Variants in COL24A1 observed in about 807,000 individuals in gnomAD.
COL24A1 encodes the protein collagen alpha-1(XXIV) chain.
COL24A1 carries 224 observed loss-of-function variants against 253.9 expected under a neutral mutation model. The ratio of observed to expected loss-of-function variants is 0.88; its 90% CI spans 0.79 to 0.99. The LOEUF (loss-of-function observed/expected upper bound fraction) is 0.99. Ranked by LOEUF, COL24A1 falls within the 50% of genes least tolerant of loss-of-function variation. The probability of loss-of-function intolerance (pLI) is 0.00; values close to 1 mark genes in which losing one functional copy is unlikely to be tolerated. For missense variants in COL24A1, 2,131 were observed against 2,068.5 expected, an observed-to-expected ratio of 1.03 and a Z score of -0.59; for synonymous variants, 685 against 673.7, an observed-to-expected ratio of 1.02 and a Z score of -0.26.
At chr1:86,012,164 A>T (rs1696556729) in intron 19 of COL24A1, among the ~76,000 whole-genome samples, 1 of 152,208 alleles carries the variant, frequency 6.6e-6, no homozygotes, top group Non-Finnish European at 1.5e-5. Flanking sequence ...AAAAAGTTCT[A>T]CAGGTGATAG....
chr1:85,859,228 C>T (rs1678857864), intron 37 of COL24A1, among the ~76,000 whole-genome samples: 1 of 152,206 alleles, frequency 6.6e-6, no homozygotes, highest in African/African-American at 2.4e-5. Flanking sequence ...AAATGAATGA[C>T]AGAATGTATG....
chr1:86,146,604 T>TAACGC (rs749212954), intron 1 of COL24A1, among the ~76,000 whole-genome samples: 3 of 151,828 alleles, frequency 2.0e-5, no homozygotes, highest in Non-Finnish European at 2.9e-5. Context: ...TCCACAAAAA[T>TAACGC]AACGCAAATT....
chr1:85,987,073 T>C (rs1419194120), intron 20 of COL24A1, among the ~76,000 whole-genome samples: 5 of 151,856 alleles, frequency 3.3e-5, no homozygotes, highest in African/African-American at 1.2e-4. Flanking sequence ...AATGGTTAGA[T>C]TAAAAGCATT....
chr1:85,831,259 G>A (rs979989833), intron 43 of COL24A1, among the ~76,000 whole-genome samples: 1 of 152,074 alleles, frequency 6.6e-6, no homozygotes, highest in East Asian at 1.9e-4. Context: ...TATCAAACAG[G>A]ATTCAGGAAA....
chr1:86,101,370 C>G lies in COL24A1; in HGVS notation c.1600-9050G>C, dbSNP rs1704438785. ...ACTCCCTCTCTTCCTATTTGGGTGC[C>G]CTTTATTTCTTTCTCTTGCCTATTT... is the stretch of plus-strand genomic sequence containing the variant. On this transcript the variant is annotated intron_variant, in intron 5 of 59. Coordinates refer to ENST00000370571, the MANE Select transcript of COL24A1 (RefSeq NM_152890.7). 7.9e-5 allele frequency among the ~76,000 whole-genome samples: 12 copies of G among 152,170 alleles called. No homozygotes were observed. The South Asian group carries it at 2.5e-3, about 32-fold the overall frequency.
chr1:85,867,522 G>C (rs12119433), intron 37 of COL24A1, among the ~76,000 whole-genome samples: 27,388 of 152,146 alleles, frequency 0.18, 2,836 homozygotes, highest in African/African-American at 0.27. Context: ...TTTCTGGTAG[G>C]GTCAAAAGGG....
At chr1:86,021,111 T>A (rs569419) in intron 18 of COL24A1, among the ~76,000 whole-genome samples, 108,881 of 152,074 alleles carry the variant, frequency 0.72, 40,439 homozygotes, top group African/African-American at 0.9. Flanking sequence ...TTCCTGAGAT[T>A]AAAAAAATAA....
At chr1:86,043,975 T>C (rs557862787) in intron 12 of COL24A1, among the ~76,000 whole-genome samples, 2 of 152,318 alleles carry the variant, frequency 1.3e-5, no homozygotes, top group South Asian at 4.1e-4. Context: ...TCCATCTACT[T>C]CATAGTAGCC....
intron 24 of COL24A1, among the ~76,000 whole-genome samples, chr1:85,914,120 A>G (rs1045588940): frequency 6.6e-6 from 1 of 152,138 alleles, no homozygotes; most frequent in African/African-American, 2.4e-5. Context: ...AGAGGATAAA[A>G]ACATTCAGTT....
chr1:85,742,480 C>T (rs1275837729), intron 57 of COL24A1, among the ~76,000 whole-genome samples: 1 of 152,136 alleles, frequency 6.6e-6, no homozygotes, highest in Non-Finnish European at 1.5e-5. Flanking sequence ...CTTAAGCAGT[C>T]TTAAGGCATT....
At chr1:86,105,507 G>C (rs12084946) in intron 5 of COL24A1, among the ~76,000 whole-genome samples, 133 of 152,296 alleles carry the variant, frequency 8.7e-4, no homozygotes, top group African/African-American at 3.1e-3. Context: ...CCTGGGAAAG[G>C]CCAGCAGATC....
At chr1:86,068,934 T>G (rs573941297) in intron 7 of COL24A1, among the ~76,000 whole-genome samples, 1 of 152,288 alleles carries the variant, frequency 6.6e-6, no homozygotes, top group East Asian at 1.9e-4. Context: ...CATCACCTGT[T>G]GACCAAAGAG....
chr1:86,075,830 A>G (rs984832802), intron 7 of COL24A1, among the ~76,000 whole-genome samples: 5 of 152,204 alleles, frequency 3.3e-5, no homozygotes, highest in African/African-American at 9.6e-5. Context: ...AAAGCCTTCA[A>G]TAAAATTCAA....
intron 20 of COL24A1, among the ~76,000 whole-genome samples, chr1:85,986,140 TA>T (rs1693703432): frequency 6.6e-6 from 1 of 151,808 alleles, no homozygotes; most frequent in Non-Finnish European, 1.5e-5. Flanking sequence ...TCATTATGAT[TA>T]TTATTAAGGT....
Position 85,810,580 on chromosome 1 carries a change from G to A in COL24A1, c.3951+6208C>T, listed in dbSNP as rs148042562. Among the ~76,000 whole-genome samples, 42 of 152,216 alleles carry A rather than the reference G, an allele frequency of 2.8e-4. No individual in the cohort carries two copies. The East Asian group carries it at 7.2e-3, about 26-fold the overall frequency. On this transcript the variant is annotated intron_variant, in intron 47 of 59. Coordinates refer to ENST00000370571, the MANE Select transcript of COL24A1 (RefSeq NM_152890.7). ...AATTGTAATCCCCAGTGCAGGAGGT[G>A]GGGGCTGGGGGAGTTGTTTGGATCA...
intron 2 of COL24A1, among the ~76,000 whole-genome samples, chr1:86,135,837 G>A (rs1304634500): frequency 6.6e-6 from 1 of 151,940 alleles, no homozygotes; most frequent in Non-Finnish European, 1.5e-5. Flanking sequence ...CATTTTTGCT[G>A]CTTTTCCTTA....
chr1:86,021,156 A>G (rs183161566), intron 18 of COL24A1, among the ~76,000 whole-genome samples: 12 of 152,324 alleles, frequency 7.9e-5, no homozygotes, highest in Admixed American at 4.6e-4. Flanking sequence ...GTTAGAGGGA[A>G]CACAATGAAC....
chr1:86,068,969 A>G (rs542799120), intron 7 of COL24A1, among the ~76,000 whole-genome samples: 1 of 151,946 alleles, frequency 6.6e-6, no homozygotes, highest in Non-Finnish European at 1.5e-5. Flanking sequence ...ATAACCACCA[A>G]TGATACCCAG....
intron 32 of COL24A1, among the ~76,000 whole-genome samples, chr1:85,878,474 T>C (rs1681451440): frequency 6.6e-6 from 1 of 152,246 alleles, no homozygotes; most frequent in Non-Finnish European, 1.5e-5. Flanking sequence ...GGTCCAATTA[T>C]AGCAGACATA....
Sources: allele counts gnomAD v4.1 joint callset (sites outside exome capture counted in the v4.1 genomes callset), GRCh38; gene constraint gnomAD v4.1.1; transcripts MANE v1.5; gene names NCBI Gene and HGNC (gene_info 2026-07-23, HGNC 2026-07-21).